Variants in KALRN observed in about 807,000 individuals in gnomAD.
KALRN encodes the protein kalirin.
KALRN carries 70 observed loss-of-function variants against 353.7 expected under a neutral mutation model. That is an observed-to-expected ratio of 0.20 (90% CI 0.16 to 0.24). KALRN has a LOEUF of 0.24. Among genes scored for constraint, KALRN ranks in the 10% least tolerant of loss-of-function variants. The pLI is 1.00. For synonymous variants in KALRN, 1,391 were observed against 1,434.8 expected (o/e 0.97, Z 0.69); for missense variants, 2,791 against 3,756.7 (o/e 0.74, Z 6.72).
At chr3:124,534,653 G>C (rs947158291) in intron 33 of KALRN, among the ~76,000 whole-genome samples, 13 of 152,210 alleles carry the variant, frequency 8.5e-5, no homozygotes, top group African/African-American at 1.9e-4. Context: ...GTCTAGTGGG[G>C]TGATCAAAAG....
chr3:124,630,695 A>G (rs1180988428), intron 34 of KALRN, among the ~76,000 whole-genome samples: 3 of 152,136 alleles, frequency 2.0e-5, no homozygotes, highest in Non-Finnish European at 4.4e-5. Flanking sequence ...GAGGATAATG[A>G]CAGAACCTAC....
intron 37 of KALRN, among the ~76,000 whole-genome samples, chr3:124,643,551 G>A (rs768478727): frequency 1.1e-4 from 17 of 152,018 alleles, no homozygotes; most frequent in Non-Finnish European, 1.8e-4. Flanking sequence ...GCTTGATCTC[G>A]GCTCACTGCA....
chr3:124,404,461 C>T (rs901265233), intron 13 of KALRN, among the ~76,000 whole-genome samples: 5 of 151,976 alleles, frequency 3.3e-5, no homozygotes, highest in Non-Finnish European at 7.4e-5. Context: ...GATGTGTCCT[C>T]TTCAGAGTAC....
chr3:124,464,250 A>G (rs1159855820), intron 25 of KALRN, among the ~76,000 whole-genome samples: 2 of 152,198 alleles, frequency 1.3e-5, no homozygotes, highest in Admixed American at 6.5e-5. Context: ...TTCTTAGCCA[A>G]TTGACTAACT....
intron 34 of KALRN, among the ~76,000 whole-genome samples, chr3:124,606,193 T>C (rs1426245743): frequency 6.6e-6 from 1 of 152,178 alleles, no homozygotes; most frequent in Non-Finnish European, 1.5e-5. Flanking sequence ...ATCACATTGA[T>C]TGGAGTTTGT....
At chr3:124,606,768 C>T (rs1312631626) in intron 34 of KALRN, among the ~76,000 whole-genome samples, 1 of 151,916 alleles carries the variant, frequency 6.6e-6, no homozygotes, top group Non-Finnish European at 1.5e-5. Context: ...ATGAAGAGTT[C>T]TTATAAATTA....
intron 34 of KALRN, among the ~76,000 whole-genome samples, chr3:124,564,126 AC>A (rs1160184094): frequency 6.8e-6 from 1 of 146,252 alleles, no homozygotes; most frequent in Non-Finnish European, 1.5e-5. Flanking sequence ...AATGGCGTGA[AC>A]CCGGGAGGCG....
intron 34 of KALRN, among the ~76,000 whole-genome samples, chr3:124,615,648 A>C: frequency 6.6e-6 from 1 of 152,314 alleles, no homozygotes; most frequent in Non-Finnish European, 1.5e-5. Flanking sequence ...AAATTATGTC[A>C]AAATAAAAAG....
At chr3:124,248,104 C>A (rs1300272381) in intron 3 of KALRN, among the ~76,000 whole-genome samples, 1 of 152,164 alleles carries the variant, frequency 6.6e-6, no homozygotes, top group Non-Finnish European at 1.5e-5. Flanking sequence ...TGAGAGAAAC[C>A]ACACAACTTT....
rs184436561 is a variant in KALRN at position 124,515,013 on chromosome 3, A to G, written c.4935+18600A>G. On this transcript the variant is annotated intron_variant, in intron 33 of 59. Coordinates refer to ENST00000682506, the MANE Select transcript of KALRN (RefSeq NM_001388419.1). ...ACATCCCTGCCTCCATGGTTTTCTA[A>G]TCCATCAGACAAAAAACATTGGAAA... Among the ~76,000 whole-genome samples, 42 of 152,336 alleles carry G rather than the reference A, an allele frequency of 2.8e-4. No individual in the cohort carries two copies. In the East Asian group the frequency reaches 7.9e-3, roughly 29 times the overall value.
rs553837792 is a variant in KALRN, at chr3:124,311,207, C to T, written c.1092+12294C>T. On this transcript the variant is annotated intron_variant, in intron 6 of 59. Coordinates refer to ENST00000682506, the MANE Select transcript of KALRN (RefSeq NM_001388419.1). Reference sequence around the variant, plus strand: ...AGGCGCAGTGGCTCACGCCTATAATCGCAGCACTTTGGGAGGCCGAGGCAG... The same window carrying T: ...AGGCGCAGTGGCTCACGCCTATAATTGCAGCACTTTGGGAGGCCGAGGCAG... Among the ~76,000 whole-genome samples the T allele has an allele frequency of 8.0e-5, 12 of 150,798 alleles. No individual in the cohort carries two copies. In the East Asian group the frequency reaches 1.4e-3, roughly 18 times the overall value.
intron 45 of KALRN, among the ~76,000 whole-genome samples, chr3:124,662,193 C>CTTTT (rs10549005): frequency 5.2e-5 from 5 of 96,858 alleles, no homozygotes; most frequent in Non-Finnish European, 7.8e-5. Flanking sequence ...ACCCAGAATT[C>CTTTT]TTTTTTTTTT....
intron 33 of KALRN, among the ~76,000 whole-genome samples, chr3:124,528,203 G>A (rs1432615164): frequency 6.6e-6 from 1 of 152,144 alleles, no homozygotes; most frequent in Non-Finnish European, 1.5e-5. Context: ...GACCCACCAT[G>A]GTAACTAGTA....
At chr3:124,256,313 C>T (rs968781338) in intron 3 of KALRN, among the ~76,000 whole-genome samples, 9 of 152,276 alleles carry the variant, frequency 5.9e-5, no homozygotes, top group African/African-American at 2.2e-4. Flanking sequence ...GGCACTGGTA[C>T]CCTAATTGCC....
At chr3:124,526,572 C>G (rs976248213) in intron 33 of KALRN, among the ~76,000 whole-genome samples, 3 of 151,838 alleles carry the variant, frequency 2.0e-5, no homozygotes, top group Non-Finnish European at 4.4e-5. Flanking sequence ...GAGACTGTGT[C>G]TCAAAAAATA....
chr3:124,364,407 C>T (rs576354785), intron 10 of KALRN, among the ~76,000 whole-genome samples: 4 of 152,182 alleles, frequency 2.6e-5, no homozygotes, highest in African/African-American at 9.7e-5. Flanking sequence ...CTGCCCTTTC[C>T]CTGAAGAGCT....
Position 124,662,058 on chromosome 3 carries a change from C to G in KALRN, c.6345+130C>G, listed in dbSNP as rs907651437. ...TTCACTCACCACTATGCCTTCCTAC[C>G]CGGGCCCCTCTGGTTCACAGTCCTG... On this transcript the variant is annotated intron_variant, in intron 45 of 59. Transcript: ENST00000682506. 3.4e-5 allele frequency: 25 copies of G among 737,402 alleles called. 1 individual carries two copies. The highest frequency in any genetic ancestry group is 3.7e-5 in the Non-Finnish European group (15 of 410,762). The allele number at this position is 737,402 out of a possible 1,614,324, so 45.7% of individuals were successfully genotyped here. A position where few individuals can be genotyped will look rare whatever the true frequency, so the allele number is the denominator to read the frequency against.
At chr3:124,396,825 C>G (rs1027086247) in intron 12 of KALRN, among the ~76,000 whole-genome samples, 1 of 152,170 alleles carries the variant, frequency 6.6e-6, no homozygotes, top group Non-Finnish European at 1.5e-5. Context: ...CAGAGAGTAC[C>G]GTAGGCATAT....
At chr3:124,589,988 G>A (rs2075614591) in intron 34 of KALRN, among the ~76,000 whole-genome samples, 1 of 151,726 alleles carries the variant, frequency 6.6e-6, no homozygotes, top group African/African-American at 2.4e-5. Flanking sequence ...TGCCTCCCAG[G>A]GATGTACTCT....
Sources: allele counts gnomAD v4.1 joint callset (sites outside exome capture counted in the v4.1 genomes callset), GRCh38; gene constraint gnomAD v4.1.1; transcripts MANE v1.5; gene names NCBI Gene and HGNC (gene_info 2026-07-23, HGNC 2026-07-21).